Variants in CNTN4 observed in about 807,000 individuals in gnomAD.
CNTN4 encodes contactin 4, also known as contactin-4.
CNTN4 carries 77 observed loss-of-function variants against 122.5 expected under a neutral mutation model. The observed-to-expected ratio is 0.63, with a 90% CI of 0.52 to 0.76. CNTN4 has a LOEUF of 0.76. Ranked by LOEUF, CNTN4 falls within the 30% of genes least tolerant of loss-of-function variation. The pLI is 0.00. For missense variants in CNTN4, 1,256 were observed against 1,259.1 expected, an observed-to-expected ratio of 1.00 and a Z score of 0.04; for synonymous variants, 512 against 447.0, an observed-to-expected ratio of 1.15 and a Z score of -1.83.
At chr3:2,629,119 G>A (rs973011467) in intron 4 of CNTN4, among the ~76,000 whole-genome samples, 1 of 152,120 alleles carries the variant, frequency 6.6e-6, no homozygotes, top group Non-Finnish European at 1.5e-5. Flanking sequence ...CCCCAAATGT[G>A]ACTATGAGGT....
chr3:2,731,556 C>G (rs1382767448), intron 4 of CNTN4, among the ~76,000 whole-genome samples: 1 of 152,206 alleles, frequency 6.6e-6, no homozygotes, highest in South Asian at 2.1e-4. Context: ...TCTTGGCAAT[C>G]TTACTGCTCA....
intron 4 of CNTN4, among the ~76,000 whole-genome samples, chr3:2,582,251 G>A (rs2079977274): frequency 6.6e-6 from 1 of 152,174 alleles, no homozygotes. Context: ...GAGTTGCTCA[G>A]AGCCAAATTC....
At chr3:2,315,586 A>T (rs776506198) in intron 2 of CNTN4, among the ~76,000 whole-genome samples, 2 of 152,002 alleles carry the variant, frequency 1.3e-5, no homozygotes, top group Non-Finnish European at 2.9e-5. Flanking sequence ...AATCAGAAGT[A>T]AAAAGGTTAC....
intron 3 of CNTN4, among the ~76,000 whole-genome samples, chr3:2,367,997 C>T (rs2045467371): frequency 6.7e-6 from 1 of 150,144 alleles, no homozygotes; most frequent in Non-Finnish European, 1.5e-5. Flanking sequence ...CTTTACAATT[C>T]AGCACTTTAT....
intron 3 of CNTN4, among the ~76,000 whole-genome samples, chr3:2,494,964 GA>G (rs1486262169): frequency 2.0e-5 from 3 of 152,232 alleles, no homozygotes; most frequent in South Asian, 2.1e-4. Context: ...GAGGTATTAT[GA>G]AAAACTATAC....
At position 2,638,352 on chromosome 3, in the gene CNTN4, A is replaced by G. The variant is rs1451549127; in HGVS notation, c.55+66794A>G. Among the ~76,000 whole-genome samples, 3 of 152,182 alleles carry G rather than the reference A, an allele frequency of 2.0e-5. No homozygotes were observed. The East Asian group carries it at 5.8e-4, about 29-fold the overall frequency. On this transcript the variant is annotated intron_variant, in intron 4 of 24. Coordinates refer to ENST00000418658, the MANE Select transcript of CNTN4 (RefSeq NM_175607.3). ...CCCTGTCCCCAACAGAGCTGTAGCA[A>G]TAAAAGGTTTCCCTTTCAGGAAGAT... is the stretch of plus-strand genomic sequence containing the variant.
At chr3:2,173,009 C>T (rs1279663502) in intron 2 of CNTN4, among the ~76,000 whole-genome samples, 2 of 152,110 alleles carry the variant, frequency 1.3e-5, no homozygotes, top group African/African-American at 2.4e-5. Context: ...TGATCTGCAA[C>T]GTGGTAGATT....
At chr3:2,754,975 ACT>A (rs1389876031) in intron 6 of CNTN4, among the ~76,000 whole-genome samples, 2 of 152,168 alleles carry the variant, frequency 1.3e-5, no homozygotes, top group African/African-American at 4.8e-5. Flanking sequence ...ACTGGGGCAC[ACT>A]CTGACAACTG....
intron 7 of CNTN4, among the ~76,000 whole-genome samples, chr3:2,853,406 A>G (rs566591795): frequency 6.6e-6 from 1 of 152,088 alleles, no homozygotes; most frequent in South Asian, 2.1e-4. Flanking sequence ...GACCACGCCC[A>G]GCTCATTTTT....
intron 3 of CNTN4, among the ~76,000 whole-genome samples, chr3:2,388,781 G>T (rs973957298): frequency 1.3e-5 from 2 of 151,264 alleles, no homozygotes; most frequent in African/African-American, 2.4e-5. Flanking sequence ...GGAGGTAGAG[G>T]TTGCAGTGAA....
intron 2 of CNTN4, among the ~76,000 whole-genome samples, chr3:2,200,485 A>G (rs192360692): frequency 6.6e-6 from 1 of 152,210 alleles, no homozygotes; most frequent in East Asian, 1.9e-4. Context: ...GAGGGGTTCT[A>G]TTACTAACAT....
intron 18 of CNTN4, among the ~76,000 whole-genome samples, chr3:3,038,419 A>G (rs1699816883): frequency 6.6e-6 from 1 of 152,028 alleles, no homozygotes; most frequent in South Asian, 2.1e-4. Context: ...CGCCCACCCC[A>G]GCTCTGAGCA....
At chr3:2,788,148 C>G (rs2091900097) in intron 6 of CNTN4, among the ~76,000 whole-genome samples, 1 of 152,130 alleles carries the variant, frequency 6.6e-6, no homozygotes, top group Non-Finnish European at 1.5e-5. Flanking sequence ...ATCATCATAA[C>G]AGAAATAGCT....
intron 2 of CNTN4, among the ~76,000 whole-genome samples, chr3:2,112,607 CT>C (rs1191673537): frequency 6.6e-6 from 1 of 152,084 alleles, no homozygotes; most frequent in Non-Finnish European, 1.5e-5. Flanking sequence ...TGTTGGTTTA[CT>C]ACCTATTGTA....
intron 6 of CNTN4, among the ~76,000 whole-genome samples, chr3:2,751,147 C>CA (rs10707841): frequency 3.4e-5 from 5 of 149,120 alleles, no homozygotes; most frequent in Admixed American, 6.7e-5. Context: ...TAAAAAAATA[C>CA]AAAAAAAAAA....
At chr3:2,410,305 A>C (rs2047183624) in intron 3 of CNTN4, among the ~76,000 whole-genome samples, 1 of 152,218 alleles carries the variant, frequency 6.6e-6, no homozygotes, top group African/African-American at 2.4e-5. Flanking sequence ...AGAACAGAGA[A>C]TTCTGTAAGA....
chr3:2,147,696 G>T (rs2035310616), intron 2 of CNTN4, among the ~76,000 whole-genome samples: 1 of 152,196 alleles, frequency 6.6e-6, no homozygotes, highest in East Asian at 1.9e-4. Flanking sequence ...TTAGTCACAG[G>T]CTCCTCAGCC....
chr3:3,004,934 C>T (rs1382851005), intron 14 of CNTN4, among the ~76,000 whole-genome samples: 1 of 152,288 alleles, frequency 6.6e-6, no homozygotes, highest in South Asian at 2.1e-4. Flanking sequence ...GCTGCCTGGT[C>T]GGTGGAAGCA....
chr3:2,834,194 TA>T (rs1289469787), intron 7 of CNTN4, among the ~76,000 whole-genome samples: 1 of 151,770 alleles, frequency 6.6e-6, no homozygotes, highest in Non-Finnish European at 1.5e-5. Flanking sequence ...CAATTTTTGT[TA>T]AAAAAATAAA....
Sources: allele counts gnomAD v4.1 joint callset (sites outside exome capture counted in the v4.1 genomes callset), GRCh38; gene constraint gnomAD v4.1.1; transcripts MANE v1.5; gene names NCBI Gene and HGNC (gene_info 2026-07-23, HGNC 2026-07-21).